AKAP6: variants seen among roughly 807,000 people sequenced by gnomAD.
The protein encoded by AKAP6 is A-kinase anchoring protein 6, also known as A-kinase anchor protein 6.
In AKAP6, 58 loss-of-function variants were observed where a neutral mutation model predicts 188.5. The observed-to-expected ratio is 0.31, with a 90% confidence interval of 0.25 to 0.38. The LOEUF is 0.38. AKAP6 is among the 10% of genes least tolerant of loss of function. The pLI is 1.00. For missense variants in AKAP6, 2,710 were observed against 2,740.0 expected, an observed-to-expected ratio of 0.99 and a Z score of 0.24; for synonymous variants, 989 against 998.6, an observed-to-expected ratio of 0.99 and a Z score of 0.18.
chr14:32,605,550 G>A (rs947894675), intron 7 of AKAP6, among the ~76,000 whole-genome samples: 2 of 152,112 alleles, frequency 1.3e-5, no homozygotes, highest in African/African-American at 4.8e-5. Context: ...GCCAGAGTGA[G>A]GTCTCTATAC....
chr14:32,708,879 T>G (rs1890923842), intron 9 of AKAP6, among the ~76,000 whole-genome samples: 1 of 151,966 alleles, frequency 6.6e-6, no homozygotes, highest in African/African-American at 2.4e-5. Context: ...AACATTCCTG[T>G]CTGTATGATT....
intron 12 of AKAP6, among the ~76,000 whole-genome samples, chr14:32,819,298 G>A (rs1212752949): frequency 2.0e-5 from 3 of 152,160 alleles, no homozygotes; most frequent in Non-Finnish European, 4.4e-5. Context: ...GTGCTAATGG[G>A]TATTTTATAC....
chr14:32,726,034 G>A (rs1237443311), intron 9 of AKAP6, among the ~76,000 whole-genome samples: 1 of 152,110 alleles, frequency 6.6e-6, no homozygotes, highest in African/African-American at 2.4e-5. Context: ...AAAATTGCTA[G>A]ACCAACTGAA....
intron 2 of AKAP6, among the ~76,000 whole-genome samples, chr14:32,462,544 C>G (rs1413711715): frequency 6.6e-6 from 1 of 152,142 alleles, no homozygotes; most frequent in Non-Finnish European, 1.5e-5. Flanking sequence ...TTTGTCACCA[C>G]AAGGCCTGCC....
intron 11 of AKAP6, among the ~76,000 whole-genome samples, chr14:32,756,053 C>G (rs772756024): frequency 1.3e-5 from 2 of 152,202 alleles, no homozygotes; most frequent in Non-Finnish European, 2.9e-5. Flanking sequence ...GGTCCATGGC[C>G]AGGCTGGCCT....
At chr14:32,519,818 A>C (rs1464497539) in intron 2 of AKAP6, among the ~76,000 whole-genome samples, 1 of 152,166 alleles carries the variant, frequency 6.6e-6, no homozygotes, top group Non-Finnish European at 1.5e-5. Flanking sequence ...ATATCCAGGA[A>C]TTCAACTCAG....
Position 32,545,827 on chromosome 14 carries a change from A to C in AKAP6, c.1174A>C (p.Arg392=), listed in dbSNP as rs746755706. ...TCCCACGCAGCCTACATTGCCAAAA[A>C]GAGGACTTTTTCTTAAAGAGGAAAC... ...DSPTQPTLPK[R]GLFLKEETFK... is the part of the protein sequence containing the mutation. The change falls in exon 4 of 14, where the codon AGA becomes CGA. Residue 392 remains arginine (R), a synonymous_variant. Coordinates refer to ENST00000280979, the MANE Select transcript of AKAP6 (RefSeq NM_004274.5). 2.2e-5 allele frequency: 36 copies of C among 1,614,230 alleles called. No homozygotes were observed. The highest frequency in any genetic ancestry group is 3.1e-5 in the Non-Finnish European group (36 of 1,180,020).
At chr14:32,552,602 T>C (rs188071173) in intron 4 of AKAP6, among the ~76,000 whole-genome samples, 10 of 152,200 alleles carry the variant, frequency 6.6e-5, no homozygotes, top group Admixed American at 5.9e-4. Flanking sequence ...AAAAACAGAC[T>C]TAATGAAGGA....
rs761675779 is a variant in AKAP6 at position 32,823,393 on chromosome 14, T to C, written c.5580T>C (p.Asn1860=). Residue 1860 remains asparagine, a synonymous_variant, in exon 13 of 14, where the codon AAT becomes AAC. Coordinates refer to ENST00000280979, the MANE Select transcript of AKAP6 (RefSeq NM_004274.5). Reference sequence around the variant, plus strand: ...CTGTAAAACGTGTCTCTGAAAATAATGGAAATGGTAAGAATTCATCTCATA... The same window carrying C: ...CTGTAAAACGTGTCTCTGAAAATAACGGAAATGGTAAGAATTCATCTCATA... The part of the protein sequence containing the change: ...NGSVKRVSEN[N]GNGKNSSHTH... The C allele has an allele frequency of 6.2e-7, 1 of 1,613,732 alleles. No homozygotes were observed. Among genetic ancestry groups the C allele is most frequent in the South Asian group, 1.1e-5 (1 of 91,070 alleles).
At chr14:32,827,416 T>G (rs1031075360) in intron 13 of AKAP6, among the ~76,000 whole-genome samples, 1 of 151,872 alleles carries the variant, frequency 6.6e-6, no homozygotes. Context: ...CCAGAAGAGA[T>G]ATAACTTAGA....
Position 32,819,056 on chromosome 14 carries a change from C to G in AKAP6, c.3589-2346C>G, listed in dbSNP as rs539643935. On this transcript the variant is annotated intron_variant, in intron 12 of 13. Coordinates refer to ENST00000280979, the MANE Select transcript of AKAP6 (RefSeq NM_004274.5). ...TGGTCATTAGTACTTCCTTTATCAG[C>G]AAGCAAAGAATAAACAGAAATTCTA... Among the ~76,000 whole-genome samples, 6 of 152,224 alleles carry G rather than the reference C, an allele frequency of 3.9e-5. No homozygotes were observed. The South Asian group carries it at 1.2e-3, about 32-fold the overall frequency.
intron 3 of AKAP6, among the ~76,000 whole-genome samples, chr14:32,537,869 G>A (rs1337253207): frequency 6.6e-6 from 1 of 152,162 alleles, no homozygotes; most frequent in Non-Finnish European, 1.5e-5. Flanking sequence ...GACGGTAATT[G>A]TTGCTGGCCA....
intron 8 of AKAP6, among the ~76,000 whole-genome samples, chr14:32,695,773 T>C (rs1352013211): frequency 2.0e-5 from 3 of 152,268 alleles, no homozygotes; most frequent in African/African-American, 7.2e-5. Flanking sequence ...GGTATGAGCA[T>C]TGGAATTGCA....
chr14:32,333,968 G>A (rs549233978), intron 1 of AKAP6, among the ~76,000 whole-genome samples: 1 of 152,266 alleles, frequency 6.6e-6, no homozygotes, highest in African/African-American at 2.4e-5. Flanking sequence ...ACACTTAGTT[G>A]TACAAGGACA....
intron 7 of AKAP6, among the ~76,000 whole-genome samples, chr14:32,668,849 A>C (rs1219815124): frequency 6.6e-6 from 1 of 152,102 alleles, no homozygotes; most frequent in Non-Finnish European, 1.5e-5. Context: ...TAGTATATGC[A>C]GTGGTCTTTG....
At chr14:32,402,019 A>G (rs1220897428) in intron 1 of AKAP6, 1 of 152,206 alleles carries the variant, frequency 6.6e-6, no homozygotes, top group African/African-American at 2.4e-5. Flanking sequence ...CTTTATTCAG[A>G]ACATCAAGGA....
chr14:32,480,181 C>G (rs1013104076), intron 2 of AKAP6, among the ~76,000 whole-genome samples: 1 of 152,076 alleles, frequency 6.6e-6, no homozygotes, highest in Non-Finnish European at 1.5e-5. Context: ...AGCTGCTTGA[C>G]TGAGAGAAAA....
intron 2 of AKAP6, among the ~76,000 whole-genome samples, chr14:32,483,001 A>ATGTG (rs1172945025): frequency 0.056 from 3,838 of 68,860 alleles, 170 homozygotes; most frequent in African/African-American, 0.16. Context: ...ATATATATAT[A>ATGTG]TATATATATA....
chr14:32,680,663 G>A (rs4981996), intron 8 of AKAP6, among the ~76,000 whole-genome samples: 33,751 of 152,058 alleles, frequency 0.22, 4,499 homozygotes, highest in East Asian at 0.52. Flanking sequence ...TAATGTAGCT[G>A]AAAAATGAAT....
Sources: gnomAD v4.1 joint callset for allele counts (sites outside exome capture counted in the v4.1 genomes callset) on GRCh38, gnomAD v4.1.1 for gene constraint, MANE v1.5 for transcripts, NCBI Gene and HGNC (gene_info 2026-07-23, HGNC 2026-07-21) for gene names.